The following TBC1D22A variants were observed in gnomAD, a reference collection of about 807,000 sequenced individuals.
TBC1D22A encodes the protein TBC1 domain family member 22A.
In TBC1D22A, 38 loss-of-function variants were observed where a neutral mutation model predicts 60.2. The observed-to-expected ratio is 0.63, with a 90% CI of 0.49 to 0.83. TBC1D22A has a LOEUF of 0.83. Among genes scored for constraint, TBC1D22A ranks in the 40% least tolerant of loss-of-function variants. TBC1D22A has a pLI of 0.00. For synonymous variants in TBC1D22A, 302 were observed against 281.7 expected, an observed-to-expected ratio of 1.07 and a Z score of -0.72; for missense variants, 628 against 701.0, an observed-to-expected ratio of 0.90 and a Z score of 1.18.
rs377209718 is a variant in TBC1D22A at position 47,155,814 on chromosome 22, G to A, written c.1426-17684G>A. ...CGGGCGCAGCCTGACCTTTCTGTGC[G>A]GAGCTACCTTCTTGTCTTCTGTGTA... is the stretch of plus-strand genomic sequence containing the variant. On this transcript the variant is annotated intron_variant, in intron 12 of 12. Transcript: ENST00000337137. Among the ~76,000 whole-genome samples the A allele has an allele frequency of 7.2e-5, 11 of 152,370 alleles. 1 individual carries two copies. The highest frequency in any genetic ancestry group is 2.2e-4 in the African/African-American group (9 of 41,592).
At chr22:46,936,465 T>C (rs965975885) in intron 8 of TBC1D22A, among the ~76,000 whole-genome samples, 11 of 152,020 alleles carry the variant, frequency 7.2e-5, no homozygotes, top group African/African-American at 2.7e-4. Context: ...AAACAGTACA[T>C]AGCACATCTC....
At chr22:47,102,968 C>T (rs1482776300) in intron 11 of TBC1D22A, among the ~76,000 whole-genome samples, 1 of 152,198 alleles carries the variant, frequency 6.6e-6, no homozygotes, top group Admixed American at 6.5e-5. Context: ...CAGGGCCTCA[C>T]ATACCTGAAG....
At chr22:46,831,140 G>A (rs1182282811) in intron 4 of TBC1D22A, among the ~76,000 whole-genome samples, 1 of 152,176 alleles carries the variant, frequency 6.6e-6, no homozygotes, top group Non-Finnish European at 1.5e-5. Flanking sequence ...GTTGGTGGAC[G>A]AAATCACCCA....
intron 1 of TBC1D22A, among the ~76,000 whole-genome samples, chr22:46,767,566 G>A (rs2083329475): frequency 6.6e-6 from 1 of 152,212 alleles, no homozygotes; most frequent in Admixed American, 6.5e-5. Context: ...TGCAGTGGGA[G>A]AGCCGGGTAT....
chr22:47,065,817 G>T (rs887361350), intron 11 of TBC1D22A, among the ~76,000 whole-genome samples: 9 of 152,164 alleles, frequency 5.9e-5, no homozygotes, highest in Non-Finnish European at 1.3e-4. Flanking sequence ...CGTGAATCCT[G>T]CTCTGAGTTC....
At chr22:46,966,319 T>C (rs865825123) in intron 8 of TBC1D22A, among the ~76,000 whole-genome samples, 2 of 152,144 alleles carry the variant, frequency 1.3e-5, no homozygotes, top group East Asian at 1.9e-4. Flanking sequence ...CACGGCTGTG[T>C]GAGCTGCGTC....
chr22:47,076,270 G>A (rs2064204126), intron 11 of TBC1D22A, among the ~76,000 whole-genome samples: 1 of 151,080 alleles, frequency 6.6e-6, no homozygotes, highest in South Asian at 2.1e-4. Context: ...GCACATGGAA[G>A]GCCATAGCAA....
chr22:46,870,497 A>C (rs527549069), intron 4 of TBC1D22A, among the ~76,000 whole-genome samples: 5 of 152,276 alleles, frequency 3.3e-5, no homozygotes, highest in Middle Eastern at 3.4e-3. Flanking sequence ...TTTTTTGTAC[A>C]TTTTAGTTTT....
chr22:47,044,007 G>GTGCTGGGGAGGT (rs1404724778), intron 11 of TBC1D22A, among the ~76,000 whole-genome samples: 1 of 79,204 alleles, frequency 1.3e-5, no homozygotes, highest in Non-Finnish European at 2.5e-5. Context: ...AGCAGGGCAG[G>GTGCTGGGGAGGT]GCTCCGCCTT....
intron 8 of TBC1D22A, among the ~76,000 whole-genome samples, chr22:46,934,027 C>CT: frequency 6.6e-6 from 1 of 152,122 alleles, no homozygotes; most frequent in Non-Finnish European, 1.5e-5. Context: ...TTAATATTTT[C>CT]TTTTTTCTAT....
intron 11 of TBC1D22A, among the ~76,000 whole-genome samples, chr22:47,075,083 C>G (rs910614416): frequency 6.6e-6 from 1 of 152,078 alleles, no homozygotes; most frequent in Admixed American, 6.5e-5. Flanking sequence ...ATTAGCCACG[C>G]ATGTTGGCGG....
At chr22:46,869,803 G>A (rs1464803630) in intron 4 of TBC1D22A, among the ~76,000 whole-genome samples, 1 of 152,172 alleles carries the variant, frequency 6.6e-6, no homozygotes, top group East Asian at 1.9e-4. Context: ...CAGTTAATAA[G>A]AAATGAATCT....
chr22:47,046,364 G>A (rs1011327286), intron 11 of TBC1D22A, among the ~76,000 whole-genome samples: 5 of 152,126 alleles, frequency 3.3e-5, no homozygotes, highest in Admixed American at 6.5e-5. Flanking sequence ...GGAGAGCCAC[G>A]GGCCTGTGGG....
In TBC1D22A at chr22:46,997,723, C is replaced by T. The variant is rs2075167811; in HGVS notation, c.1201+14C>T. 6.2e-7 allele frequency: 1 copy of T among 1,613,412 alleles called. No individual in the cohort carries two copies. Among genetic ancestry groups the T allele is most frequent in the African/African-American group, 1.3e-5 (1 of 74,934 alleles). On this transcript the variant is annotated intron_variant, in intron 10 of 12. Transcript: ENST00000337137. ...GCCGGATTGATGGTAAGCCAGCTTC[C>T]CGCGCAGCCCCTCTCTGTGGGCGGG...
intron 4 of TBC1D22A, among the ~76,000 whole-genome samples, chr22:46,807,209 A>G (rs1260594924): frequency 2.0e-5 from 3 of 150,556 alleles, no homozygotes; most frequent in South Asian, 2.1e-4. Flanking sequence ...CAGCAGCAGG[A>G]TTGTTCTCCT....
At chr22:46,784,244 A>G (rs1418435115) in intron 1 of TBC1D22A, among the ~76,000 whole-genome samples, 2 of 151,912 alleles carry the variant, frequency 1.3e-5, no homozygotes, top group African/African-American at 2.4e-5. Flanking sequence ...GGGTCTCACT[A>G]TGTTGCCCAG....
At chr22:47,071,026 A>G (rs1359459485) in intron 11 of TBC1D22A, among the ~76,000 whole-genome samples, 2 of 152,266 alleles carry the variant, frequency 1.3e-5, no homozygotes, top group East Asian at 1.9e-4. Flanking sequence ...CTGTGAACCT[A>G]AGAGTATAAA....
intron 11 of TBC1D22A, among the ~76,000 whole-genome samples, chr22:47,092,224 G>T (rs1378273631): frequency 6.6e-6 from 1 of 152,182 alleles, no homozygotes; most frequent in Non-Finnish European, 1.5e-5. Context: ...TCCCTGTGGG[G>T]AAGCGAGTAC....
At chr22:46,894,354 C>T (rs1320356428) in intron 6 of TBC1D22A, among the ~76,000 whole-genome samples, 1 of 152,244 alleles carries the variant, frequency 6.6e-6, no homozygotes, top group Non-Finnish European at 1.5e-5. Context: ...TCCCCCAGGA[C>T]TTCATAAAGT....
Sources: allele counts gnomAD v4.1 joint callset (sites outside exome capture counted in the v4.1 genomes callset), GRCh38; gene constraint gnomAD v4.1.1; transcripts MANE v1.5; gene names NCBI Gene and HGNC (gene_info 2026-07-23, HGNC 2026-07-21).